Variants in KAZN observed in about 807,000 individuals in gnomAD.
The protein encoded by KAZN is kazrin, periplakin interacting protein.
In KAZN, 40 loss-of-function variants were observed where a neutral mutation model predicts 87.4. That is an observed-to-expected ratio of 0.46 (90% CI 0.36 to 0.60). KAZN has a LOEUF of 0.60. Among genes scored for constraint, KAZN ranks in the 20% least tolerant of loss-of-function variants. The pLI, the probability that KAZN is intolerant of heterozygous loss-of-function variation, is 0.00. For missense variants in KAZN, 898 were observed against 1,073.9 expected (o/e 0.84, Z 2.29); for synonymous variants, 466 against 458.3 (o/e 1.02, Z -0.22).
At chr1:14,070,947 C>T (rs1417925994) in intron 1 of KAZN, among the ~76,000 whole-genome samples, 1 of 152,128 alleles carries the variant, frequency 6.6e-6, no homozygotes, top group African/African-American at 2.4e-5. Context: ...AAGAAAGCTG[C>T]CCATGGTGTC....
rs571814373 is a variant in KAZN, at chr1:14,149,438, T to G, written c.92-30997T>G. ...TTTCAATTAATCTCCTTCTTTTAGG[T>G]GCACAGTTCACTCTCTTTCTGGACA... On this transcript the variant is annotated intron_variant, in intron 1 of 16. Coordinates refer to the KAZN transcript ENST00000636203. Among the ~76,000 whole-genome samples the G allele has an allele frequency of 5.3e-5, 8 of 152,186 alleles. No homozygotes were observed. In the East Asian group the frequency reaches 1.5e-3, roughly 29 times the overall value.
intron 1 of KAZN, among the ~76,000 whole-genome samples, chr1:14,807,231 G>A (rs1157116536): frequency 6.6e-6 from 1 of 152,208 alleles, no homozygotes; most frequent in East Asian, 1.9e-4. Context: ...AGGACATTAG[G>A]TTCTGGGGCT....
At chr1:14,336,040 A>G (rs553767659) in intron 2 of KAZN, among the ~76,000 whole-genome samples, 2 of 152,286 alleles carry the variant, frequency 1.3e-5, no homozygotes, top group East Asian at 1.9e-4. Context: ...AGTGCTGGGT[A>G]TATTTTGGGT....
intron 1 of KAZN, among the ~76,000 whole-genome samples, chr1:14,753,557 C>T (rs1047552318): frequency 6.6e-6 from 1 of 151,540 alleles, no homozygotes; most frequent in Non-Finnish European, 1.5e-5. Context: ...TGAGACCCCA[C>T]CTCTAATTAT....
chr1:14,921,153 A>AACACACACACACACACACACACAC (rs55766387), intron 1 of KAZN, among the ~76,000 whole-genome samples: 3 of 144,508 alleles, frequency 2.1e-5, no homozygotes, highest in East Asian at 4.2e-4. Flanking sequence ...CTGAGCATGC[A>AACACACACACACACACACACACAC]ACACACACAC....
At chr1:14,001,374 AC>A (rs1452683948) in intron 1 of KAZN, among the ~76,000 whole-genome samples, 17 of 152,336 alleles carry the variant, frequency 1.1e-4, no homozygotes, top group Admixed American at 5.9e-4. Context: ...AAATAAAAAA[AC>A]ATTTCATCCT....
At chr1:14,597,144 T>A (rs1676560188), upstream of KAZN, among the ~76,000 whole-genome samples, 2 of 152,136 alleles carry the variant, frequency 1.3e-5, no homozygotes, top group Non-Finnish European at 2.9e-5. Context: ...CACTAAGCAG[T>A]TCTAAGTGCC....
chr1:14,871,577 C>T (rs975783964), intron 1 of KAZN, among the ~76,000 whole-genome samples: 1 of 151,928 alleles, frequency 6.6e-6, no homozygotes, highest in Non-Finnish European at 1.5e-5. Context: ...TTCTGTGCAT[C>T]TGACCCCCAA....
chr1:14,372,666 A>G (rs1250688117), intron 2 of KAZN, among the ~76,000 whole-genome samples: 1 of 152,236 alleles, frequency 6.6e-6, no homozygotes, highest in Non-Finnish European at 1.5e-5. Context: ...CCTTCTTCTC[A>G]GATGATTCTG....
chr1:14,612,208 T>A (rs1677878474), intron 1 of KAZN, among the ~76,000 whole-genome samples: 1 of 152,048 alleles, frequency 6.6e-6, no homozygotes, highest in African/African-American at 2.4e-5. Context: ...ACTAGGGGTG[T>A]TGTGGTTAAT....
intron 1 of KAZN, among the ~76,000 whole-genome samples, chr1:14,095,780 C>T (rs1644113722): frequency 6.6e-6 from 1 of 152,098 alleles, no homozygotes; most frequent in South Asian, 2.1e-4. Context: ...TTCCAGCAAA[C>T]AAACAGAAGC....
chr1:14,863,213 G>A (rs1380344682), intron 1 of KAZN, among the ~76,000 whole-genome samples: 1 of 152,176 alleles, frequency 6.6e-6, no homozygotes, highest in Admixed American at 6.5e-5. Flanking sequence ...CATCAATGTG[G>A]GATCTATGAG....
At chr1:14,759,493 T>G in intron 1 of KAZN, among the ~76,000 whole-genome samples, 1 of 152,228 alleles carries the variant, frequency 6.6e-6, no homozygotes, top group East Asian at 1.9e-4. Flanking sequence ...TAACCTTCCT[T>G]GACTATTCAG....
intron 1 of KAZN, among the ~76,000 whole-genome samples, chr1:14,683,098 G>A (rs1640767813): frequency 6.6e-6 from 1 of 152,190 alleles, no homozygotes; most frequent in Non-Finnish European, 1.5e-5. Flanking sequence ...CTGACAGCGT[G>A]ATGGGATGGG....
chr1:14,763,667 T>G (rs1023123837), intron 1 of KAZN, among the ~76,000 whole-genome samples: 1 of 152,238 alleles, frequency 6.6e-6, no homozygotes, highest in African/African-American at 2.4e-5. Flanking sequence ...GGCCTTTTCC[T>G]TTGGAGTAGG....
chr1:14,938,501 C>G (rs1053066057), intron 1 of KAZN, among the ~76,000 whole-genome samples: 5 of 150,198 alleles, frequency 3.3e-5, no homozygotes, highest in Admixed American at 2.0e-4. Flanking sequence ...AAGATCGCAC[C>G]ACTGCACTCC....
intron 2 of KAZN, among the ~76,000 whole-genome samples, chr1:14,353,203 G>A (rs927569076): frequency 2.6e-5 from 4 of 151,150 alleles, no homozygotes; most frequent in Non-Finnish European, 5.9e-5. Context: ...AAGAAATAAA[G>A]CTGTCACTAC....
intron 2 of KAZN, among the ~76,000 whole-genome samples, chr1:14,963,782 C>G (rs887952406): frequency 6.6e-6 from 1 of 151,588 alleles, no homozygotes; most frequent in Admixed American, 6.6e-5. Flanking sequence ...CCTCCCCTTG[C>G]CCCCTACTGC....
chr1:14,913,793 G>A (rs1252408297), intron 1 of KAZN, among the ~76,000 whole-genome samples: 3 of 152,236 alleles, frequency 2.0e-5, no homozygotes, highest in African/African-American at 7.2e-5. Context: ...CCTGAGTTCT[G>A]GTGGGCGGGT....
Sources: allele counts gnomAD v4.1 joint callset (sites outside exome capture counted in the v4.1 genomes callset), GRCh38; gene constraint gnomAD v4.1.1; transcripts MANE v1.5; gene names NCBI Gene and HGNC (gene_info 2026-07-23, HGNC 2026-07-21).